Variants in ENPP2 observed in about 807,000 individuals in gnomAD.
The protein encoded by ENPP2 is autotaxin.
A neutral mutation model predicts 120.2 loss-of-function variants in ENPP2; 51 were observed. That is an observed-to-expected ratio of 0.42 (90% CI 0.34 to 0.54). The LOEUF is 0.54. ENPP2 is among the 20% of genes least tolerant of loss of function. The pLI, the probability that ENPP2 is intolerant of heterozygous loss-of-function variation, is 0.04. For missense variants in ENPP2, 920 were observed against 1,066.5 expected (o/e 0.86, Z 1.91); for synonymous variants, 365 against 366.4 (o/e 1.00, Z 0.04).
intron 15 of ENPP2, among the ~76,000 whole-genome samples, chr8:119,585,604 C>A (rs1414678718): frequency 6.6e-6 from 1 of 152,088 alleles, no homozygotes; most frequent in Non-Finnish European, 1.5e-5. Flanking sequence ...ATAATTAACT[C>A]ATTGGAAGTT....
At chr8:119,615,476 C>T (rs1338129481) in intron 8 of ENPP2, among the ~76,000 whole-genome samples, 5 of 152,182 alleles carry the variant, frequency 3.3e-5, no homozygotes, top group African/African-American at 1.2e-4. Context: ...TAACCATACA[C>T]ACGGTCACAG....
intron 14 of ENPP2, 142 bp downstream of exon 14, chr8:119,586,902 G>GA: frequency 2.9e-6 from 2 of 680,110 alleles, no homozygotes; most frequent in Non-Finnish European, 2.6e-6. Flanking sequence ...AGTTCTTAAG[G>GA]AAACAAATAT....
intron 2 of ENPP2, among the ~76,000 whole-genome samples, chr8:119,635,691 C>A (rs1816957027): frequency 6.6e-6 from 1 of 152,154 alleles, no homozygotes; most frequent in African/African-American, 2.4e-5. Context: ...TGTATTTACC[C>A]AACAGAATTA....
intron 19 of ENPP2, among the ~76,000 whole-genome samples, chr8:119,577,421 AC>A (rs1299983624): frequency 6.6e-6 from 1 of 152,192 alleles, no homozygotes; most frequent in Non-Finnish European, 1.5e-5. Context: ...CACAGGAAAC[AC>A]CATAAAGGCC....
upstream of ENPP2, among the ~76,000 whole-genome samples, chr8:119,640,695 A>G (rs1817255018): frequency 2.6e-5 from 4 of 152,104 alleles, no homozygotes; most frequent in South Asian, 8.3e-4. Flanking sequence ...TTGTTACCCA[A>G]TATCCAAAAG....
chr8:119,631,084 C>G (rs1400641057), intron 2 of ENPP2, among the ~76,000 whole-genome samples: 1 of 150,862 alleles, frequency 6.6e-6, no homozygotes, highest in South Asian at 2.1e-4. Context: ...TTGGTAGAGA[C>G]GGGGTTTCAC....
At chr8:119,614,845 A>G (rs1424232738) in intron 8 of ENPP2, among the ~76,000 whole-genome samples, 3 of 152,222 alleles carry the variant, frequency 2.0e-5, no homozygotes, top group African/African-American at 7.2e-5. Flanking sequence ...CCTGTCAACA[A>G]ATTTCACTAT....
At chr8:119,671,372 C>T (rs1160752600) in intron 1 of ENPP2, among the ~76,000 whole-genome samples, 1 of 151,942 alleles carries the variant, frequency 6.6e-6, no homozygotes, top group Admixed American at 6.6e-5. Context: ...CAGGACTGGC[C>T]CCAGATGAGA....
chr8:119,651,887 T>G (rs1216211243), intron 1 of ENPP2, among the ~76,000 whole-genome samples: 1 of 152,220 alleles, frequency 6.6e-6, no homozygotes, highest in Non-Finnish European at 1.5e-5. Flanking sequence ...CAATACAGAT[T>G]TAGTAAGCAT....
At chr8:119,580,232 C>T (rs1422004755) in intron 18 of ENPP2, 65 bp from the exon 19 acceptor site, 8 of 1,309,964 alleles carry the variant, frequency 6.1e-6, no homozygotes, top group Non-Finnish European at 8.9e-6. Flanking sequence ...TCCCTCTGTG[C>T]CCTTCTGTCG....
At chr8:119,587,186 T>C in intron 13 of ENPP2, 111 bp from the exon 14 acceptor site, 3 of 857,280 alleles carry the variant, frequency 3.5e-6, no homozygotes, top group African/African-American at 1.7e-5. Context: ...CAGAAGACTA[T>C]CACTTTAGTG....
intron 2 of ENPP2, among the ~76,000 whole-genome samples, chr8:119,630,045 T>C (rs1299003147): frequency 6.6e-6 from 1 of 152,172 alleles, no homozygotes; most frequent in African/African-American, 2.4e-5. Flanking sequence ...TGTTCCTGCA[T>C]GCATTTGAAA....
chr8:119,658,215 C>T (rs1409576375), intron 1 of ENPP2, among the ~76,000 whole-genome samples: 1 of 152,036 alleles, frequency 6.6e-6, no homozygotes, highest in Non-Finnish European at 1.5e-5. Flanking sequence ...TCAGGGGGTC[C>T]ACGTGCTTGT....
At chr8:119,628,003 CT>C (rs1472759222) in intron 2 of ENPP2, among the ~76,000 whole-genome samples, 5 of 150,878 alleles carry the variant, frequency 3.3e-5, no homozygotes, top group African/African-American at 1.2e-4. Context: ...GCCAAAAATA[CT>C]GAGAGTTCAT....
chr8:119,593,400 T>C (rs1014273008), intron 12 of ENPP2, among the ~76,000 whole-genome samples: 30 of 152,174 alleles, frequency 2.0e-4, no homozygotes, highest in African/African-American at 7.2e-4. Context: ...GGGATGTGGC[T>C]GGCAGGGATA....
rs1333033358 is a variant in ENPP2, at chr8:119,644,619, TATATATAC to T, written c.22-6100_22-6093del. Among the ~76,000 whole-genome samples, 238 of 106,590 alleles carry T rather than the reference TATATATAC, an allele frequency of 2.2e-3. 5 individuals carry two copies. Among genetic ancestry groups the T allele is most frequent in the East Asian group, 0.016 (56 of 3,496 alleles). 69.9% of individuals were successfully genotyped at this position (106,590 alleles called of 152,430 possible). ...ATATATATATATATATATATATATA[TATATATAC>T]ACACACACACACACACACACATATA... On this transcript the variant is annotated intron_variant, in intron 1 of 25. Transcript: ENST00000427067.
chr8:119,620,642 T>A (rs1340398764), intron 4 of ENPP2, among the ~76,000 whole-genome samples: 2 of 152,204 alleles, frequency 1.3e-5, no homozygotes, highest in Non-Finnish European at 2.9e-5. Flanking sequence ...CTTCTATAAG[T>A]GGGTTGCACG....
At chr8:119,571,526 GAA>G (rs957574422) in intron 19 of ENPP2, 2 of 150,342 alleles carry the variant, frequency 1.3e-5, no homozygotes, top group Non-Finnish European at 3.0e-5. Context: ...CTCTTCTTAG[GAA>G]AAAAAAAGGT....
chr8:119,573,030 A>G (rs1815143199), intron 19 of ENPP2: 1 of 152,240 alleles, frequency 6.6e-6, no homozygotes, highest in African/African-American at 2.4e-5. Context: ...CACGCTCAAA[A>G]GTGTATGACA....
Sources: gnomAD v4.1 joint callset for allele counts (sites outside exome capture counted in the v4.1 genomes callset) on GRCh38, gnomAD v4.1.1 for gene constraint, MANE v1.5 for transcripts, NCBI Gene and HGNC (gene_info 2026-07-23, HGNC 2026-07-21) for gene names.